The following LYRM4 variants were observed in gnomAD, a reference collection of about 807,000 sequenced individuals.
LYRM4 encodes LYR motif-containing protein 4.
In LYRM4, 9 loss-of-function variants were observed where a neutral mutation model predicts 11.7. The ratio of observed to expected loss-of-function variants is 0.77; its 90% CI spans 0.46 to 1.34. The LOEUF (loss-of-function observed/expected upper bound fraction) is 1.34, where lower values mean the gene tolerates loss of function less well. Ranked by LOEUF, LYRM4 falls within the 40% of genes most tolerant of loss-of-function variation. LYRM4 has a pLI of 0.00. For missense variants in LYRM4, 133 were observed against 112.5 expected (o/e 1.18, Z -0.82); for synonymous variants, 42 against 40.4 (o/e 1.04, Z -0.15).
At chr6:5,247,330 A>G (rs944807615) in intron 1 of LYRM4, among the ~76,000 whole-genome samples, 2 of 152,220 alleles carry the variant, frequency 1.3e-5, no homozygotes, top group African/African-American at 4.8e-5. Context: ...GTGCTCAAAC[A>G]AGATTTGCTG....
chr6:5,158,524 TG>T (rs953351989), intron 2 of LYRM4, among the ~76,000 whole-genome samples: 8 of 150,578 alleles, frequency 5.3e-5, no homozygotes, highest in African/African-American at 2.0e-4. Flanking sequence ...TCACACAGGC[TG>T]GAGTGCAGTG....
Position 5,136,383 on chromosome 6 carries a change from C to G in LYRM4, c.208-26892G>C, listed in dbSNP as rs187006253. ...TGGGGCTGGGTTGAGGGTGGAGAAG[C>G]GGGAAGACACGATAATGTAGTACTT... On this transcript the variant is annotated intron_variant, in intron 2 of 2. Coordinates refer to ENST00000330636, the MANE Select transcript of LYRM4 (RefSeq NM_020408.6). 352 of 985,342 alleles carry G rather than the reference C, an allele frequency of 3.6e-4. 4 individuals carry two copies. In the African/African-American group the frequency reaches 5.7e-3, roughly 16 times the overall value. The allele number at this position is 985,342 out of a possible 1,614,324, so 61.0% of individuals were successfully genotyped here.
intron 1 of LYRM4, among the ~76,000 whole-genome samples, chr6:5,242,229 C>T (rs2773301): frequency 0.32 from 47,976 of 151,376 alleles, 8,840 homozygotes; most frequent in African/African-American, 0.52. Flanking sequence ...CGTGCCACCA[C>T]GCCTGGCTAA....
At chr6:5,060,991 A>C in the LYRM4 span, among the ~76,000 whole-genome samples, 2 of 152,128 alleles carry the variant, frequency 1.3e-5, no homozygotes, top group Non-Finnish European at 2.9e-5. Flanking sequence ...GTGTTCTTAA[A>C]TTTAGGGGAC....
chr6:5,197,399 C>T (rs1331650522), intron 2 of LYRM4, among the ~76,000 whole-genome samples: 1 of 152,158 alleles, frequency 6.6e-6, no homozygotes, highest in Non-Finnish European at 1.5e-5. Flanking sequence ...TTTGGCCGGG[C>T]ACGGTGGCTC....
In LYRM4 at chr6:5,245,097, A is replaced by T. The variant is rs1193207670; in HGVS notation, c.86+15551T>A. ...TATTTGCAGGAAGACCTTAAAAAAA[A>T]AAAAAAAAAAAAAAAAATATATATA... On this transcript the variant is annotated intron_variant, in intron 1 of 2. Transcript: ENST00000330636. Among the ~76,000 whole-genome samples, 254 of 39,276 alleles carry T rather than the reference A, an allele frequency of 6.5e-3. 10 individuals carry two copies. Among genetic ancestry groups the T allele is most frequent in the African/African-American group, 0.015 (127 of 8,408 alleles). The allele number at this position is 39,276 out of a possible 152,430, so 25.8% of individuals were successfully genotyped here. A position where few individuals can be genotyped will look rare whatever the true frequency, so the allele number is the denominator to read the frequency against.
At chr6:5,085,778 TC>T in the LYRM4 span, 1 of 1,533,632 alleles carries the variant, frequency 6.5e-7, no homozygotes, top group Non-Finnish European at 8.8e-7. Context: ...GCGGCCAAGT[TC>T]CTGCAGCAGC....
chr6:5,173,508 C>G (rs1052112199), intron 2 of LYRM4, among the ~76,000 whole-genome samples: 1 of 152,222 alleles, frequency 6.6e-6, no homozygotes, highest in African/African-American at 2.4e-5. Flanking sequence ...ATTAAAGATG[C>G]CACACTTTAA....
intron 2 of LYRM4, among the ~76,000 whole-genome samples, chr6:5,175,550 T>C (rs1036976143): frequency 2.0e-5 from 3 of 152,124 alleles, no homozygotes; most frequent in Non-Finnish European, 4.4e-5. Context: ...AACCATTTCC[T>C]GAGGTTTCCA....
chr6:5,260,617 C>CGCCCCCG (rs1391667164), intron 1 of LYRM4, 31 bp downstream of exon 1: 2 of 1,491,604 alleles, frequency 1.3e-6, no homozygotes, highest in Middle Eastern at 2.4e-4. Context: ...CCTGGCCCCC[C>CGCCCCCG]GCCCCCGGCC....
chr6:5,082,583 T>A, the LYRM4 span, among the ~76,000 whole-genome samples: 1 of 152,252 alleles, frequency 6.6e-6, no homozygotes, highest in East Asian at 1.9e-4. Context: ...ACAACCATCA[T>A]CTCTTAAGTA....
At chr6:5,198,494 A>G (rs901146172) in intron 2 of LYRM4, among the ~76,000 whole-genome samples, 5 of 152,180 alleles carry the variant, frequency 3.3e-5, no homozygotes, top group African/African-American at 1.2e-4. Flanking sequence ...GTACCACAAA[A>G]GGCAAGGCAC....
At chr6:5,190,678 C>A (rs1054298995) in intron 2 of LYRM4, among the ~76,000 whole-genome samples, 1 of 151,910 alleles carries the variant, frequency 6.6e-6, no homozygotes, top group Non-Finnish European at 1.5e-5. Flanking sequence ...GTAACTCTGC[C>A]GTTGTTAACA....
At chr6:5,196,190 C>T (rs1761045385) in intron 2 of LYRM4, among the ~76,000 whole-genome samples, 1 of 152,156 alleles carries the variant, frequency 6.6e-6, no homozygotes, top group Admixed American at 6.6e-5. Context: ...ACTCCCTCTG[C>T]CTTTCCAGTC....
chr6:5,184,916 TC>T (rs577588374), intron 2 of LYRM4, among the ~76,000 whole-genome samples: 139 of 152,290 alleles, frequency 9.1e-4, no homozygotes, highest in African/African-American at 3.3e-3. Context: ...AAGGGCCCCT[TC>T]CCCTGCGCAA....
chr6:5,172,430 C>T (rs115919784), intron 2 of LYRM4, among the ~76,000 whole-genome samples: 2,008 of 152,288 alleles, frequency 0.013, 39 homozygotes, highest in African/African-American at 0.044. Flanking sequence ...CACAGTTTCA[C>T]GAGCACCTCC....
intron 2 of LYRM4, among the ~76,000 whole-genome samples, chr6:5,188,998 C>T (rs561698187): frequency 2.6e-5 from 4 of 152,108 alleles, no homozygotes; most frequent in African/African-American, 7.2e-5. Context: ...TGGGCTCAAG[C>T]GATCTGCTTG....
chr6:5,072,734 G>A, the LYRM4 span, among the ~76,000 whole-genome samples: 1 of 151,998 alleles, frequency 6.6e-6, no homozygotes, highest in Non-Finnish European at 1.5e-5. Context: ...TTTAAACAAA[G>A]GTAAGACCAG....
intron 1 of LYRM4, among the ~76,000 whole-genome samples, chr6:5,234,489 A>C (rs1219066696): frequency 6.6e-6 from 1 of 152,238 alleles, no homozygotes; most frequent in African/African-American, 2.4e-5. Context: ...AGGAGTATAC[A>C]CAGTGCTCTG....
Sources: gnomAD v4.1 joint callset for allele counts (sites outside exome capture counted in the v4.1 genomes callset) on GRCh38, gnomAD v4.1.1 for gene constraint, MANE v1.5 for transcripts, NCBI Gene and HGNC (gene_info 2026-07-23, HGNC 2026-07-21) for gene names.